The following KCNMB2 variants were observed in gnomAD, a reference collection of about 807,000 sequenced individuals.
KCNMB2 encodes the protein potassium calcium-activated channel subfamily M regulatory beta subunit 2.
KCNMB2 carries 9 observed loss-of-function variants against 24.5 expected under a neutral mutation model. The ratio of observed to expected loss-of-function variants is 0.37; its 90% confidence interval spans 0.22 to 0.64. The LOEUF is 0.64. Among genes scored for constraint, KCNMB2 ranks in the 30% least tolerant of loss-of-function variants. The pLI is 0.63. For missense variants in KCNMB2, 226 were observed against 284.3 expected, an observed-to-expected ratio of 0.79 and a Z score of 1.47; for synonymous variants, 109 against 104.4, an observed-to-expected ratio of 1.04 and a Z score of -0.27.
chr3:178,824,215 C>A (rs1714742737), intron 2 of KCNMB2, among the ~76,000 whole-genome samples: 1 of 152,174 alleles, frequency 6.6e-6, no homozygotes, highest in Admixed American at 6.5e-5. Context: ...CATCCCCAAG[C>A]TTTATACACT....
At chr3:178,635,035 T>C (rs1214488494) in intron 1 of KCNMB2, among the ~76,000 whole-genome samples, 1 of 152,054 alleles carries the variant, frequency 6.6e-6, no homozygotes, top group African/African-American at 2.4e-5. Flanking sequence ...GGAAGGGAAT[T>C]GAATTCTGTT....
intron 1 of KCNMB2, among the ~76,000 whole-genome samples, chr3:178,759,468 GATAT>G (rs1274470512): frequency 2.8e-4 from 6 of 21,710 alleles, no homozygotes; most frequent in African/African-American, 7.0e-4. Context: ...TCTCCAAGAG[GATAT>G]ATATATATAT....
At chr3:178,682,650 TAAGA>T (rs920588699) in intron 1 of KCNMB2, among the ~76,000 whole-genome samples, 7 of 151,902 alleles carry the variant, frequency 4.6e-5, no homozygotes, top group Non-Finnish European at 1.0e-4. Context: ...TAATTTTCTA[TAAGA>T]AACTTAAACA....
intron 1 of KCNMB2, among the ~76,000 whole-genome samples, chr3:178,660,809 T>C (rs775088979): frequency 4.6e-5 from 7 of 151,998 alleles, no homozygotes; most frequent in Middle Eastern, 3.2e-3. Context: ...TTGCTTCATA[T>C]ACACAGGGCC....
At chr3:178,586,416 T>C (rs926532664) in intron 1 of KCNMB2, among the ~76,000 whole-genome samples, 4 of 152,132 alleles carry the variant, frequency 2.6e-5, no homozygotes, top group African/African-American at 4.8e-5. Context: ...CATTATATTT[T>C]AGCATAAAAT....
At chr3:178,607,266 G>T (rs1718305488) in intron 1 of KCNMB2, among the ~76,000 whole-genome samples, 1 of 152,174 alleles carries the variant, frequency 6.6e-6, no homozygotes, top group Non-Finnish European at 1.5e-5. Context: ...TCTCCTAGAA[G>T]AAAGATATTT....
At chr3:178,840,845 T>C (rs1030933865) in intron 4 of KCNMB2, among the ~76,000 whole-genome samples, 1 of 152,232 alleles carries the variant, frequency 6.6e-6, no homozygotes, top group African/African-American at 2.4e-5. Context: ...CCTAGAGACA[T>C]TTTCCCCATT....
chr3:178,696,979 A>G (rs1721902767), intron 1 of KCNMB2, among the ~76,000 whole-genome samples: 1 of 152,198 alleles, frequency 6.6e-6, no homozygotes, highest in Non-Finnish European at 1.5e-5. Flanking sequence ...ATTGTTAGTT[A>G]TCATTTCAAT....
intron 1 of KCNMB2, among the ~76,000 whole-genome samples, chr3:178,755,563 T>C (rs913594724): frequency 1.3e-5 from 2 of 152,216 alleles, no homozygotes; most frequent in African/African-American, 4.8e-5. Flanking sequence ...TCAATGTTAT[T>C]GCTATGGTAT....
intron 2 of KCNMB2, among the ~76,000 whole-genome samples, chr3:178,811,748 A>C (rs1474394141): frequency 6.6e-6 from 1 of 152,212 alleles, no homozygotes; most frequent in Non-Finnish European, 1.5e-5. Flanking sequence ...GTTGGTTCAA[A>C]AGTACACGCA....
chr3:178,537,731 G>T (rs1404472642), intron 1 of KCNMB2, among the ~76,000 whole-genome samples: 1 of 152,152 alleles, frequency 6.6e-6, no homozygotes, highest in Non-Finnish European at 1.5e-5. Context: ...CATTGCATAT[G>T]ACCCTCAATG....
intron 1 of KCNMB2, among the ~76,000 whole-genome samples, chr3:178,727,617 CA>C (rs1723006284): frequency 6.6e-6 from 1 of 152,064 alleles, no homozygotes; most frequent in South Asian, 2.1e-4. Flanking sequence ...CAGAGAGATG[CA>C]ACATTGCTGG....
rs1196138792 is a variant in KCNMB2, at chr3:178,766,304, C to T, written c.-67-41039C>T. On this transcript the variant is annotated intron_variant, in intron 1 of 4. Transcript: ENST00000452583. ...AAATTCCTGGGCTCAAGCGATCCTC[C>T]TGCCTTGGCCTCCCAAGTAGCTAAA... 2.0e-5 allele frequency among the ~76,000 whole-genome samples: 3 copies of T among 152,312 alleles called. No individual in the cohort carries two copies. In the East Asian group the frequency reaches 5.8e-4, roughly 29 times the overall value.
chr3:178,683,248 A>G (rs1721337404), intron 1 of KCNMB2, among the ~76,000 whole-genome samples: 1 of 151,976 alleles, frequency 6.6e-6, no homozygotes, highest in South Asian at 2.1e-4. Context: ...GCATGTTCTC[A>G]GTTGTAAGTG....
chr3:178,781,143 T>G (rs768981149), intron 1 of KCNMB2, among the ~76,000 whole-genome samples: 2 of 152,080 alleles, frequency 1.3e-5, no homozygotes, highest in Non-Finnish European at 2.9e-5. Context: ...ATTATTAGAA[T>G]TAATTTTTCC....
chr3:178,681,756 G>A (rs1721278719), intron 1 of KCNMB2, among the ~76,000 whole-genome samples: 1 of 152,122 alleles, frequency 6.6e-6, no homozygotes, highest in African/African-American at 2.4e-5. Context: ...TTCTCAAGTA[G>A]ACAAAGAACT....
chr3:178,603,099 G>C (rs1044161910), intron 1 of KCNMB2, among the ~76,000 whole-genome samples: 1 of 152,114 alleles, frequency 6.6e-6, no homozygotes, highest in Non-Finnish European at 1.5e-5. Context: ...CAGGTGATGA[G>C]GTCTTTGAAG....
chr3:178,758,531 TATA>T (rs1724322614), intron 1 of KCNMB2, among the ~76,000 whole-genome samples: 1 of 40,686 alleles, frequency 2.5e-5, no homozygotes, highest in African/African-American at 1.1e-4. Context: ...GAGATGTATA[TATA>T]TATATATATA....
intron 1 of KCNMB2, among the ~76,000 whole-genome samples, chr3:178,806,493 T>G (rs186650229): frequency 6.6e-6 from 1 of 152,214 alleles, no homozygotes; most frequent in Non-Finnish European, 1.5e-5. Context: ...TATGCATCCA[T>G]GAAGGAATCA....
Sources: allele counts gnomAD v4.1 joint callset (sites outside exome capture counted in the v4.1 genomes callset), GRCh38; gene constraint gnomAD v4.1.1; transcripts MANE v1.5; gene names NCBI Gene and HGNC (gene_info 2026-07-23, HGNC 2026-07-21).